PCDH9: variants seen among roughly 807,000 people sequenced by gnomAD.
The protein encoded by PCDH9 is protocadherin 9, also known as protocadherin-9.
In PCDH9, 24 loss-of-function variants were observed where a neutral mutation model predicts 70.6. The ratio of observed to expected loss-of-function variants is 0.34; its 90% CI spans 0.25 to 0.48. PCDH9 has a LOEUF of 0.48. Among genes scored for constraint, PCDH9 ranks in the 20% least tolerant of loss-of-function variants. The pLI is 0.99. For missense variants in PCDH9, 1,281 were observed against 1,503.6 expected, an observed-to-expected ratio of 0.85 and a Z score of 2.45; for synonymous variants, 562 against 558.5, an observed-to-expected ratio of 1.01 and a Z score of -0.09.
chr13:66,808,037 G>A (rs2080438700), intron 3 of PCDH9, among the ~76,000 whole-genome samples: 1 of 152,180 alleles, frequency 6.6e-6, no homozygotes, highest in Non-Finnish European at 1.5e-5. Flanking sequence ...CAGGTCATCT[G>A]TGCTTAGGAG....
chr13:66,444,618 T>A (rs1054367067), intron 4 of PCDH9, among the ~76,000 whole-genome samples: 2 of 152,180 alleles, frequency 1.3e-5, no homozygotes, highest in African/African-American at 4.8e-5. Context: ...TGAAGTGCAG[T>A]GGCACGATGT....
intron 4 of PCDH9, among the ~76,000 whole-genome samples, chr13:66,595,868 G>A (rs540473505): frequency 2.2e-4 from 33 of 151,640 alleles, no homozygotes; most frequent in South Asian, 1.7e-3. Flanking sequence ...AAACACCAGC[G>A]TAAAGTAAGC....
chr13:66,978,711 A>G (rs1014764120), intron 2 of PCDH9, among the ~76,000 whole-genome samples: 15 of 149,566 alleles, frequency 1.0e-4, no homozygotes, highest in African/African-American at 2.7e-4. Flanking sequence ...ATTGTATAAT[A>G]TGTTGTTTCA....
intron 2 of PCDH9, among the ~76,000 whole-genome samples, chr13:67,125,086 T>G (rs1021729088): frequency 1.3e-5 from 2 of 152,202 alleles, no homozygotes; most frequent in Non-Finnish European, 2.9e-5. Flanking sequence ...GGCAAGTCTT[T>G]GAGCCTGAGT....
chr13:66,593,576 G>T lies in PCDH9; in HGVS notation c.3340+37634C>A, dbSNP rs1160079254. Among the ~76,000 whole-genome samples the T allele has an allele frequency of 2.6e-5, 4 of 151,664 alleles. No individual in the cohort carries two copies. The East Asian group carries it at 5.9e-4, about 22-fold the overall frequency. ...GCAGAAAACATTAAAATACCTCGTG[G>T]TTTTTCTTATAGGAGAAAAATTTTT... On this transcript the variant is annotated intron_variant, in intron 4 of 4. Coordinates refer to ENST00000377865, the MANE Select transcript of PCDH9 (RefSeq NM_203487.3).
intron 4 of PCDH9, among the ~76,000 whole-genome samples, chr13:66,353,805 A>T (rs1044592625): frequency 7.2e-5 from 11 of 152,156 alleles, no homozygotes; most frequent in African/African-American, 2.4e-4. Flanking sequence ...TTCTGGAGAT[A>T]GAACTATTTG....
chr13:66,721,462 A>T (rs1211055435), intron 3 of PCDH9, among the ~76,000 whole-genome samples: 3 of 152,156 alleles, frequency 2.0e-5, no homozygotes, highest in African/African-American at 4.8e-5. Context: ...ACATTTACAG[A>T]ACGTGCAATA....
At chr13:66,647,377 C>A (rs2077786061) in intron 3 of PCDH9, among the ~76,000 whole-genome samples, 1 of 152,018 alleles carries the variant, frequency 6.6e-6, no homozygotes, top group South Asian at 2.1e-4. Flanking sequence ...GGATAGAGCA[C>A]CAGGCAGAGT....
chr13:67,113,135 C>T (rs1157147899), intron 2 of PCDH9, among the ~76,000 whole-genome samples: 1 of 152,062 alleles, frequency 6.6e-6, no homozygotes, highest in Non-Finnish European at 1.5e-5. Context: ...GACTATAATT[C>T]CTTATTAATA....
intron 4 of PCDH9, among the ~76,000 whole-genome samples, chr13:66,585,677 C>A (rs1180605573): frequency 2.0e-5 from 3 of 152,088 alleles, no homozygotes; most frequent in Non-Finnish European, 4.4e-5. Context: ...AGGCAGAAAA[C>A]TTGATGATAA....
intron 3 of PCDH9, among the ~76,000 whole-genome samples, chr13:66,820,096 T>C (rs1351955644): frequency 6.6e-6 from 1 of 152,134 alleles, no homozygotes. Context: ...TTATATTGAA[T>C]TTGTTCCATA....
intron 2 of PCDH9, among the ~76,000 whole-genome samples, chr13:67,019,902 T>A (rs942828160): frequency 4.6e-5 from 7 of 152,232 alleles, no homozygotes; most frequent in African/African-American, 2.4e-5. Context: ...GAGGACTGTC[T>A]GGATGAATCT....
chr13:67,183,490 C>T (rs2088669517), intron 2 of PCDH9, among the ~76,000 whole-genome samples: 2 of 152,024 alleles, frequency 1.3e-5, no homozygotes, highest in Non-Finnish European at 2.9e-5. Context: ...TTATGTTTCT[C>T]TTGGGTCTTT....
intron 2 of PCDH9, among the ~76,000 whole-genome samples, chr13:67,181,434 T>C (rs747238658): frequency 8.5e-5 from 13 of 152,078 alleles, no homozygotes; most frequent in Non-Finnish European, 1.8e-4. Flanking sequence ...GAGAGAGGAA[T>C]GGGTAGAAAA....
At chr13:67,090,157 A>G (rs1237810770) in intron 2 of PCDH9, among the ~76,000 whole-genome samples, 2 of 152,032 alleles carry the variant, frequency 1.3e-5, no homozygotes, top group Non-Finnish European at 2.9e-5. Context: ...CTAAATGATT[A>G]CTAATGAAGA....
chr13:67,218,581 T>C (rs1271710077), intron 2 of PCDH9: 1 of 152,014 alleles, frequency 6.6e-6, no homozygotes, highest in Non-Finnish European at 1.5e-5. Context: ...GCAGAGATGG[T>C]TGGATAGAGA....
intron 4 of PCDH9, among the ~76,000 whole-genome samples, chr13:66,425,401 C>T (rs868577267): frequency 1.3e-5 from 2 of 151,728 alleles, no homozygotes; most frequent in Middle Eastern, 6.8e-3. Context: ...TTCCTACAGC[C>T]TGCCAATAAT....
chr13:67,129,489 T>C (rs754945281), intron 2 of PCDH9, among the ~76,000 whole-genome samples: 1 of 152,100 alleles, frequency 6.6e-6, no homozygotes, highest in Non-Finnish European at 1.5e-5. Context: ...TCCAGGATTT[T>C]TGGGCCTTTT....
intron 4 of PCDH9, among the ~76,000 whole-genome samples, chr13:66,526,112 A>G (rs1960207555): frequency 6.6e-6 from 1 of 152,138 alleles, no homozygotes; most frequent in Non-Finnish European, 1.5e-5. Flanking sequence ...CAATAAAAAT[A>G]AATATTAGTT....
Sources: gnomAD v4.1 joint callset for allele counts (sites outside exome capture counted in the v4.1 genomes callset) on GRCh38, gnomAD v4.1.1 for gene constraint, MANE v1.5 for transcripts, NCBI Gene and HGNC (gene_info 2026-07-23, HGNC 2026-07-21) for gene names.